KCNMA1: variants seen among roughly 807,000 people sequenced by gnomAD.
The protein encoded by KCNMA1 is Calcium-activated potassium channel subunit alpha-1.
A neutral mutation model predicts 140.0 loss-of-function variants in KCNMA1; 29 were observed. The observed-to-expected ratio is 0.21, with a 90% CI of 0.15 to 0.28. KCNMA1 has a LOEUF of 0.28. Ranked by LOEUF, KCNMA1 falls within the 10% of genes least tolerant of loss-of-function variation. The pLI, the probability that KCNMA1 is intolerant of heterozygous loss-of-function variation, is 1.00. For synonymous variants in KCNMA1, 612 were observed against 611.9 expected (o/e 1.00, Z 0.00); for missense variants, 880 against 1,602.2 (o/e 0.55, Z 7.70).
At chr10:77,443,698 C>A (rs1363038425) in intron 1 of KCNMA1, among the ~76,000 whole-genome samples, 1 of 152,188 alleles carries the variant, frequency 6.6e-6, no homozygotes, top group Non-Finnish European at 1.5e-5. Context: ...GAAATGGCAA[C>A]ATCTGAGCTC....
chr10:77,097,662 C>T (rs2096967876), intron 9 of KCNMA1, among the ~76,000 whole-genome samples: 1 of 152,152 alleles, frequency 6.6e-6, no homozygotes, highest in African/African-American at 2.4e-5. Flanking sequence ...ATCAGTCCCA[C>T]AACCCCAAAC....
intron 25 of KCNMA1, among the ~76,000 whole-genome samples, chr10:76,896,923 T>C (rs1280490825): frequency 1.3e-5 from 2 of 151,974 alleles, no homozygotes; most frequent in African/African-American, 4.8e-5. Flanking sequence ...TTGTGTCTCA[T>C]TTTTTTAAAA....
intron 3 of KCNMA1, among the ~76,000 whole-genome samples, chr10:77,242,737 C>G (rs2057577219): frequency 6.6e-6 from 1 of 152,112 alleles, no homozygotes; most frequent in African/African-American, 2.4e-5. Context: ...GCCTTATACA[C>G]AGTTTGTACT....
chr10:77,483,799 T>C (rs2098430460), intron 1 of KCNMA1, among the ~76,000 whole-genome samples: 1 of 152,180 alleles, frequency 6.6e-6, no homozygotes, highest in African/African-American at 2.4e-5. Context: ...CACTGAGACA[T>C]TGAAGGGGAG....
chr10:77,554,366 G>A (rs1266877480), intron 1 of KCNMA1, among the ~76,000 whole-genome samples: 1 of 152,090 alleles, frequency 6.6e-6, no homozygotes, highest in Non-Finnish European at 1.5e-5. Context: ...GGAGAACAAG[G>A]CAGGCAGCTC....
intron 3 of KCNMA1, among the ~76,000 whole-genome samples, chr10:77,207,086 T>C (rs1598734700): frequency 6.6e-6 from 1 of 152,302 alleles, no homozygotes; most frequent in East Asian, 1.9e-4. Flanking sequence ...CTTAACCACA[T>C]ATTTCCGCTT....
intron 18 of KCNMA1, among the ~76,000 whole-genome samples, chr10:77,004,311 T>A (rs2087623772): frequency 6.6e-6 from 1 of 151,182 alleles, no homozygotes; most frequent in African/African-American, 2.4e-5. Context: ...AGTTAAAAAC[T>A]ATTGAGCCCC....
rs200770082 is a variant in KCNMA1, at chr10:77,079,471, G to T, written c.1593+10C>A. On this transcript the variant is annotated intron_variant, in intron 13 of 27. Transcript: ENST00000286628. ...GTCTTCAGACCTGGAGCGGGCTCTCGCACTCCTACCTTGTTGTGATACTGC... is the reference window on the plus strand; with the variant it reads ...GTCTTCAGACCTGGAGCGGGCTCTCTCACTCCTACCTTGTTGTGATACTGC... The T allele has an allele frequency of 3.8e-6, 6 of 1,594,620 alleles. No homozygotes were observed. The highest frequency in any genetic ancestry group is 2.2e-5 in the East Asian group (1 of 44,472).
intron 13 of KCNMA1, 106 bp from the exon 14 acceptor site, chr10:77,073,358 T>C: frequency 8.8e-7 from 1 of 1,130,732 alleles, no homozygotes; most frequent in Non-Finnish European, 1.3e-6. Flanking sequence ...GGCCATCCAG[T>C]CTTGCCCTTC....
Position 76,974,316 on chromosome 10 carries a change from C to T in KCNMA1, c.2267-4249G>A, listed in dbSNP as rs2076879321. 5 of 507,260 alleles carry T rather than the reference C, an allele frequency of 9.9e-6. No homozygotes were observed. The East Asian group carries it at 9.9e-5, about 10-fold the overall frequency. 31.4% of individuals were successfully genotyped at this position (507,260 alleles called of 1,614,324 possible). A position where few individuals can be genotyped will look rare whatever the true frequency, so the allele number is the denominator to read the frequency against. On this transcript the variant is annotated intron_variant, in intron 19 of 27. Coordinates refer to ENST00000286628, the MANE Select transcript of KCNMA1 (RefSeq NM_001161352.2). Reference sequence around the variant, plus strand: ...TGAGGTCGTTTTAATTATTATTAATCGTTTTTTACGGTTTTCCCTTTTGGT... The same window carrying T: ...TGAGGTCGTTTTAATTATTATTAATTGTTTTTTACGGTTTTCCCTTTTGGT...
At chr10:77,048,892 C>G (rs2095239675) in intron 14 of KCNMA1, among the ~76,000 whole-genome samples, 1 of 152,088 alleles carries the variant, frequency 6.6e-6, no homozygotes, top group Non-Finnish European at 1.5e-5. Flanking sequence ...TCCTGACTAG[C>G]TGGGACTACA....
At chr10:77,482,297 G>A (rs2098407098) in intron 1 of KCNMA1, among the ~76,000 whole-genome samples, 1 of 152,206 alleles carries the variant, frequency 6.6e-6, no homozygotes, top group Non-Finnish European at 1.5e-5. Context: ...ACTCCAGTAA[G>A]CTGCTCATGC....
At chr10:77,481,950 G>A (rs115920886) in intron 1 of KCNMA1, among the ~76,000 whole-genome samples, 94 of 152,304 alleles carry the variant, frequency 6.2e-4, no homozygotes, top group African/African-American at 2.1e-3. Context: ...AGTGGGTGAG[G>A]AAACATGAAC....
At chr10:77,267,177 G>T (rs1012282917) in intron 2 of KCNMA1, among the ~76,000 whole-genome samples, 1 of 152,138 alleles carries the variant, frequency 6.6e-6, no homozygotes, top group South Asian at 2.1e-4. Context: ...CTTCCCCCAT[G>T]GATGCTTGTT....
chr10:77,319,551 C>T (rs1003303110), intron 2 of KCNMA1, among the ~76,000 whole-genome samples: 4 of 152,184 alleles, frequency 2.6e-5, no homozygotes, highest in South Asian at 4.1e-4. Context: ...GCAGTCTTCA[C>T]CCCTTGTAGA....
chr10:77,416,436 G>A (rs1046280977), intron 1 of KCNMA1, among the ~76,000 whole-genome samples: 15 of 152,130 alleles, frequency 9.9e-5, no homozygotes, highest in Admixed American at 3.3e-4. Flanking sequence ...ACAACCTCCC[G>A]GGAAATACTA....
chr10:77,003,756 A>T (rs1258617269), intron 18 of KCNMA1, among the ~76,000 whole-genome samples: 2 of 152,194 alleles, frequency 1.3e-5, no homozygotes, highest in Non-Finnish European at 2.9e-5. Context: ...AGAATCTGAC[A>T]CATTTGTGGA....
intron 16 of KCNMA1, among the ~76,000 whole-genome samples, chr10:77,022,667 C>G (rs910362193): frequency 1.3e-5 from 2 of 152,140 alleles, no homozygotes; most frequent in East Asian, 3.9e-4. Flanking sequence ...GAGCCTTGCA[C>G]GCAACAGGCA....
At chr10:77,183,715 G>T (rs1162835837) in intron 4 of KCNMA1, among the ~76,000 whole-genome samples, 183 bp from the exon 5 acceptor site, 1 of 152,174 alleles carries the variant, frequency 6.6e-6, no homozygotes, top group Non-Finnish European at 1.5e-5. Flanking sequence ...TCGAGCTCCT[G>T]ACATCAGGTG....
Sources: allele counts gnomAD v4.1 joint callset (sites outside exome capture counted in the v4.1 genomes callset), GRCh38; gene constraint gnomAD v4.1.1; transcripts MANE v1.5; gene names NCBI Gene and HGNC (gene_info 2026-07-23, HGNC 2026-07-21).